Variants in POC1B observed in about 807,000 individuals in gnomAD.
POC1B encodes the protein POC1 centriolar protein B.
Under a neutral mutation model 60.6 loss-of-function variants are expected in POC1B, and 44 were observed. That is an observed-to-expected ratio of 0.73 (90% CI 0.57 to 0.93). POC1B has a LOEUF of 0.93. POC1B is among the 40% of genes least tolerant of loss of function. The probability of loss-of-function intolerance (pLI) is 0.00; values close to 1 mark genes in which losing one functional copy is unlikely to be tolerated. For missense variants in POC1B, 555 were observed against 572.3 expected, an observed-to-expected ratio of 0.97 and a Z score of 0.31; for synonymous variants, 180 against 198.9, an observed-to-expected ratio of 0.90 and a Z score of 0.80.
chr12:89,404,093 T>C, the POC1B span, among the ~76,000 whole-genome samples: 2 of 151,586 alleles, frequency 1.3e-5, no homozygotes, highest in Non-Finnish European at 2.9e-5. Context: ...GATCGCGCCA[T>C]TGTATTCCAA....
intron 4 of POC1B, among the ~76,000 whole-genome samples, chr12:89,486,599 A>G (rs1306652412): frequency 6.6e-6 from 1 of 152,190 alleles, no homozygotes; most frequent in Non-Finnish European, 1.5e-5. Flanking sequence ...GGCAAGAAAC[A>G]GCATGACTAG....
chr12:89,501,640 G>A, intron 2 of POC1B: 1 of 1,199,758 alleles, frequency 8.3e-7, no homozygotes, highest in South Asian at 1.3e-5. Flanking sequence ...GTCTGAAGAA[G>A]TGACTTCAAC....
the POC1B span, among the ~76,000 whole-genome samples, chr12:89,414,604 T>C: frequency 6.6e-6 from 1 of 152,236 alleles, no homozygotes; most frequent in South Asian, 2.1e-4. Flanking sequence ...CCTCGTGACT[T>C]GCTAAGGCAA....
intron 9 of POC1B, among the ~76,000 whole-genome samples, chr12:89,463,773 T>C (rs1882569161): frequency 6.6e-6 from 1 of 152,208 alleles, no homozygotes; most frequent in South Asian, 2.1e-4. Context: ...CCTTCTCTCA[T>C]TTATTTTAAA....
chr12:89,523,978 C>T, intron 2 of POC1B: 1 of 1,613,858 alleles, frequency 6.2e-7, no homozygotes, highest in East Asian at 2.2e-5. Flanking sequence ...ATCAAGATTG[C>T]TGATGTAAGT....
chr12:89,513,547 T>C (rs995283556), intron 2 of POC1B, among the ~76,000 whole-genome samples: 1 of 152,250 alleles, frequency 6.6e-6, no homozygotes, highest in African/African-American at 2.4e-5. Context: ...GAAAATACTT[T>C]AACAGGCTTT....
intron 9 of POC1B, among the ~76,000 whole-genome samples, chr12:89,465,083 A>C (rs1450688474): frequency 6.6e-6 from 1 of 152,176 alleles, no homozygotes. Context: ...GTCAGTGTTT[A>C]ATAGAATTTT....
At chr12:89,453,278 C>T (rs747724409) in intron 10 of POC1B, among the ~76,000 whole-genome samples, 3 of 152,032 alleles carry the variant, frequency 2.0e-5, no homozygotes, top group Non-Finnish European at 4.4e-5. Context: ...CTTGAGTTAC[C>T]GAATAAAAAA....
downstream of POC1B, among the ~76,000 whole-genome samples, chr12:89,417,382 A>G (rs1476320755): frequency 2.0e-5 from 3 of 152,110 alleles, no homozygotes; most frequent in African/African-American, 4.8e-5. Context: ...ACCAATCCAA[A>G]TATTTTCTGT....
intron 10 of POC1B, 29 bp downstream of exon 10, chr12:89,459,609 T>TGAA: frequency 1.7e-6 from 1 of 578,804 alleles, no homozygotes. Context: ...CACTTAAGTG[T>TGAA]CAAAAAAAAA....
At chr12:89,503,902 G>A (rs1264096223) in intron 2 of POC1B, among the ~76,000 whole-genome samples, 1 of 151,640 alleles carries the variant, frequency 6.6e-6, no homozygotes, top group African/African-American at 2.4e-5. Flanking sequence ...TGTCTGAGAA[G>A]TGAGGAGCCC....
At chr12:89,475,879 A>C (rs372437593) in intron 4 of POC1B, among the ~76,000 whole-genome samples, 1 of 147,634 alleles carries the variant, frequency 6.8e-6, no homozygotes, top group Non-Finnish European at 1.5e-5. Context: ...CTTAAACTTT[A>C]CTGGTATTCA....
chr12:89,466,734 C>T (rs1882696499), intron 9 of POC1B, 36 bp downstream of exon 9: 1 of 1,555,696 alleles, frequency 6.4e-7, no homozygotes, highest in Non-Finnish European at 8.7e-7. Flanking sequence ...TCAAAATGTA[C>T]ACAAAATGTA....
intron 2 of POC1B, chr12:89,524,480 A>T: frequency 6.2e-7 from 1 of 1,613,456 alleles, no homozygotes; most frequent in South Asian, 1.1e-5. Flanking sequence ...AGCTCCACGA[A>T]GATATAGGCC....
chr12:89,418,571 T>C (rs1880409159), downstream of POC1B, among the ~76,000 whole-genome samples: 1 of 152,130 alleles, frequency 6.6e-6, no homozygotes, highest in Non-Finnish European at 1.5e-5. Context: ...CTGTTGGAGA[T>C]GGGGCTTAAG....
chr12:89,424,950 T>C (rs704085), intron 11 of POC1B, among the ~76,000 whole-genome samples: 58,610 of 152,004 alleles, frequency 0.39, 11,579 homozygotes, highest in Admixed American at 0.47. Context: ...TTAAGCTGTG[T>C]GAGTGTGTGT....
chr12:89,478,989 GA>G (rs895704036), intron 4 of POC1B, among the ~76,000 whole-genome samples: 1 of 152,126 alleles, frequency 6.6e-6, no homozygotes, highest in African/African-American at 2.4e-5. Flanking sequence ...TTAACTTTTA[GA>G]AAAATTCTTT....
Position 89,435,313 on chromosome 12 carries a change from T to C in POC1B, c.1114-9934A>G, listed in dbSNP as rs992837888. Among the ~76,000 whole-genome samples, 6 of 151,932 alleles carry C rather than the reference T, an allele frequency of 3.9e-5. No individual in the cohort carries two copies. The East Asian group carries it at 9.7e-4, about 24-fold the overall frequency. ...CTCTTGTCTCAGCCTCCTGAGTAGC[T>C]GGGACTACAGGTGCACACCACCACA... On this transcript the variant is annotated intron_variant, in intron 10 of 11. Coordinates refer to ENST00000313546, the MANE Select transcript of POC1B (RefSeq NM_172240.3).
intron 2 of POC1B, 66 bp from the exon 3 acceptor site, chr12:89,497,408 A>G: frequency 6.7e-7 from 1 of 1,482,942 alleles, no homozygotes; most frequent in South Asian, 1.2e-5. Flanking sequence ...GTCTCATTAC[A>G]ATGAGCAGCA....
Sources: gnomAD v4.1 joint callset for allele counts (sites outside exome capture counted in the v4.1 genomes callset) on GRCh38, gnomAD v4.1.1 for gene constraint, MANE v1.5 for transcripts, NCBI Gene and HGNC (gene_info 2026-07-23, HGNC 2026-07-21) for gene names.